The following DACH2 variants were observed in gnomAD, a reference collection of about 807,000 sequenced individuals.
DACH2 encodes dachshund homolog 2.
Under a neutral mutation model 35.8 loss-of-function variants are expected in DACH2, and 17 were observed. The ratio of observed to expected loss-of-function variants is 0.48; its 90% CI spans 0.33 to 0.71. The LOEUF (loss-of-function observed/expected upper bound fraction) is 0.71. DACH2 is among the 30% of genes least tolerant of loss of function. DACH2 has a pLI of 0.02. For synonymous variants in DACH2, 195 were observed against 177.3 expected (o/e 1.10, Z -0.79); for missense variants, 469 against 472.7 (o/e 0.99, Z 0.07).
chrX:86,376,822 A>T lies in DACH2; in HGVS notation c.489-2A>T. On this transcript the variant is annotated splice_acceptor_variant, in intron 1 of 11. Coordinates refer to ENST00000373125, the MANE Select transcript of DACH2 (RefSeq NM_053281.3). LOFTEE classifies it high-confidence loss of function. The stretch of plus-strand genomic sequence containing the variant: ...TTATTTTCTGCTACACTCTCCTTTT[A>T]GAAGGAAGAGGCAAATGACAAGAAA... 9.7e-7 allele frequency: 1 copy of T among 1,028,002 alleles called. No individual in the cohort carries two copies. The allele number at this position is 1,028,002 out of a possible 1,213,427, so 84.7% of individuals were successfully genotyped here. A position where few individuals can be genotyped will look rare whatever the true frequency, so the allele number is the denominator to read the frequency against.
chrX:86,714,983 G>T (rs2041319821), intron 6 of DACH2, among the ~76,000 whole-genome samples: 2 of 111,830 alleles, frequency 1.8e-5, no homozygotes, highest in South Asian at 3.7e-4. Context: ...GGCATGGGCA[G>T]ACTAATGACA....
Position 86,684,727 on chromosome X carries a change from A to G in DACH2, c.773-10294A>G, listed in dbSNP as rs1476319457. On this transcript the variant is annotated intron_variant, in intron 4 of 11. Coordinates refer to ENST00000373125, the MANE Select transcript of DACH2 (RefSeq NM_053281.3). ...AATATTACAATGTATATTTTTAAAA[A>G]TTTTCTGATTGATTATGAAAAAAAC... 7.3e-5 allele frequency among the ~76,000 whole-genome samples: 8 copies of G among 110,021 alleles called. No homozygotes were observed. The Admixed American group carries it at 7.9e-4, about 11-fold the overall frequency.
chrX:86,188,458 A>G (rs917491143), intron 1 of DACH2, among the ~76,000 whole-genome samples: 2 of 112,028 alleles, frequency 1.8e-5, no homozygotes, highest in Admixed American at 1.9e-4. Flanking sequence ...GTTATCTTTA[A>G]AAAATGATGT....
At chrX:86,581,306 C>T (rs1365433539) in intron 3 of DACH2, among the ~76,000 whole-genome samples, 1 of 111,684 alleles carries the variant, frequency 9.0e-6, no homozygotes, top group East Asian at 2.8e-4. Flanking sequence ...CACTATACAG[C>T]AATCACACAA....
intron 3 of DACH2, among the ~76,000 whole-genome samples, chrX:86,615,410 A>C (rs1429598582): frequency 9.0e-6 from 1 of 111,640 alleles, no homozygotes; most frequent in Non-Finnish European, 1.9e-5. Flanking sequence ...ATAGAGCTGA[A>C]ACTTGAAATC....
intron 6 of DACH2, among the ~76,000 whole-genome samples, chrX:86,732,208 C>T (rs1395592359): frequency 9.0e-6 from 1 of 111,696 alleles, no homozygotes; most frequent in Non-Finnish European, 1.9e-5. Flanking sequence ...TAAAAATCAG[C>T]AAGTGTCTTG....
At chrX:86,730,918 G>T (rs2041525944) in intron 6 of DACH2, among the ~76,000 whole-genome samples, 2 of 111,224 alleles carry the variant, frequency 1.8e-5, no homozygotes, top group South Asian at 7.5e-4. Context: ...TAAAAAGAAG[G>T]TTATGGGATG....
At chrX:86,478,614 A>T (rs1382671525) in intron 2 of DACH2, among the ~76,000 whole-genome samples, 1 of 85,445 alleles carries the variant, frequency 1.2e-5, no homozygotes, top group Non-Finnish European at 2.3e-5. Flanking sequence ...TTTCTTTATC[A>T]TTGATCTTTG....
intron 1 of DACH2, among the ~76,000 whole-genome samples, chrX:86,323,659 G>A (rs1171969277): frequency 8.9e-6 from 1 of 112,017 alleles, no homozygotes. Flanking sequence ...GGTCAGCCTA[G>A]GAGCCTGTGG....
rs373990128 is a variant in DACH2 at position 86,211,793 on chromosome X, A to G, written c.488+62685A>G. Reference sequence around the variant, plus strand: ...GGCTTTCATCTAAAGTATAAATTCAAGTGTGAGTTCCAAAGTGTCACTTGT... The same window carrying G: ...GGCTTTCATCTAAAGTATAAATTCAGGTGTGAGTTCCAAAGTGTCACTTGT... On this transcript the variant is annotated intron_variant, in intron 1 of 11. Transcript: ENST00000373125. Among the ~76,000 whole-genome samples the G allele has an allele frequency of 2.4e-4, 27 of 111,905 alleles. No homozygotes were observed. The East Asian group carries it at 6.5e-3, about 27-fold the overall frequency.
intron 1 of DACH2, among the ~76,000 whole-genome samples, chrX:86,359,588 C>A (rs1436791534): frequency 9.0e-6 from 1 of 110,627 alleles, no homozygotes; most frequent in Non-Finnish European, 1.9e-5. Flanking sequence ...TCTATACCAA[C>A]AATTTTTAAA....
At chrX:86,438,516 G>A (rs903998793) in intron 2 of DACH2, among the ~76,000 whole-genome samples, 1 of 111,495 alleles carries the variant, frequency 9.0e-6, no homozygotes, top group South Asian at 3.7e-4. Flanking sequence ...ATGAGACACG[G>A]CACTTGGCCC....
intron 6 of DACH2, among the ~76,000 whole-genome samples, chrX:86,732,319 A>G (rs2041541179): frequency 8.9e-6 from 1 of 112,437 alleles, no homozygotes; most frequent in African/African-American, 3.2e-5. Context: ...GAATTCACTG[A>G]TTTAGCAAAT....
At chrX:86,392,324 G>A (rs1300681345) in intron 2 of DACH2, among the ~76,000 whole-genome samples, 1 of 111,391 alleles carries the variant, frequency 9.0e-6, no homozygotes, top group Non-Finnish European at 1.9e-5. Context: ...TTTTCTAGGA[G>A]TTTATAATTT....
At chrX:86,260,318 G>T (rs2147961520) in intron 1 of DACH2, among the ~76,000 whole-genome samples, 1 of 110,797 alleles carries the variant, frequency 9.0e-6, no homozygotes, top group East Asian at 2.8e-4. Context: ...TTCTTGAGAA[G>T]ATCATGCCCT....
At chrX:86,449,927 C>G (rs1163623098) in intron 2 of DACH2, among the ~76,000 whole-genome samples, 1 of 111,440 alleles carries the variant, frequency 9.0e-6, no homozygotes, top group Non-Finnish European at 1.9e-5. Context: ...ACCATTGTTT[C>G]AGTTTTAGAG....
At chrX:86,703,236 C>G (rs760568032) in intron 5 of DACH2, among the ~76,000 whole-genome samples, 7 of 110,525 alleles carry the variant, frequency 6.3e-5, no homozygotes, top group Admixed American at 9.7e-5. Flanking sequence ...TTATAAAAAC[C>G]CTCAACAAAT....
rs1448236405 is a variant in DACH2 at position 86,189,465 on chromosome X, A to G, written c.488+40357A>G. Among the ~76,000 whole-genome samples, 7 of 111,855 alleles carry G rather than the reference A, an allele frequency of 6.3e-5. No homozygotes were observed. The East Asian group carries it at 2.0e-3, about 31-fold the overall frequency. On this transcript the variant is annotated intron_variant, in intron 1 of 11. Transcript: ENST00000373125. ...GACTCCATCATATTGATAGGTTCAA[A>G]TAATGGACAAGAGCATATGCAGATA...
At chrX:86,362,786 T>C (rs1208932988) in intron 1 of DACH2, among the ~76,000 whole-genome samples, 1 of 111,420 alleles carries the variant, frequency 9.0e-6, no homozygotes, top group Non-Finnish European at 1.9e-5. Flanking sequence ...CTCTAAAATA[T>C]TGTAGATGTG....
Sources: gnomAD v4.1 joint callset for allele counts (sites outside exome capture counted in the v4.1 genomes callset) on GRCh38, gnomAD v4.1.1 for gene constraint, MANE v1.5 for transcripts, NCBI Gene and HGNC (gene_info 2026-07-23, HGNC 2026-07-21) for gene names.